Variants in PARD3B observed in about 807,000 individuals in gnomAD.
PARD3B encodes par-3 family cell polarity regulator beta, also known as partitioning defective 3 homolog B.
PARD3B carries 103 observed loss-of-function variants against 130.2 expected under a neutral mutation model. The ratio of observed to expected loss-of-function variants is 0.79; its 90% CI spans 0.67 to 0.93. The LOEUF is 0.93. Ranked by LOEUF, PARD3B falls within the 40% of genes least tolerant of loss-of-function variation. The pLI is 0.00. For synonymous variants in PARD3B, 583 were observed against 553.2 expected, an observed-to-expected ratio of 1.05 and a Z score of -0.76; for missense variants, 1,609 against 1,499.2, an observed-to-expected ratio of 1.07 and a Z score of -1.21.
chr2:204,703,395 A>T (rs545721535), intron 2 of PARD3B, among the ~76,000 whole-genome samples: 30 of 152,336 alleles, frequency 2.0e-4, no homozygotes, highest in African/African-American at 6.7e-4. Flanking sequence ...TGTTAAAGAG[A>T]TGGGAATGGG....
intron 3 of PARD3B, among the ~76,000 whole-genome samples, chr2:204,976,122 T>C (rs907610384): frequency 3.3e-5 from 5 of 152,242 alleles, no homozygotes; most frequent in African/African-American, 1.2e-4. Context: ...AATTAGGCTT[T>C]TATCTTAGTA....
intron 12 of PARD3B, among the ~76,000 whole-genome samples, chr2:205,175,061 T>C (rs2035390584): frequency 6.6e-6 from 1 of 152,176 alleles, no homozygotes; most frequent in Non-Finnish European, 1.5e-5. Context: ...TAAAAATCCA[T>C]TATATTTTTT....
At chr2:205,136,273 G>T (rs181072592) in intron 10 of PARD3B, among the ~76,000 whole-genome samples, 2 of 151,600 alleles carry the variant, frequency 1.3e-5, no homozygotes, top group East Asian at 3.9e-4. Context: ...ACCTCCCATC[G>T]TACCTTTCTG....
intron 2 of PARD3B, among the ~76,000 whole-genome samples, chr2:204,829,113 C>G (rs572197664): frequency 2.6e-5 from 4 of 152,238 alleles, no homozygotes; most frequent in Admixed American, 2.0e-4. Context: ...TGATCTTGTT[C>G]TGAAACATAA....
At chr2:205,204,117 GTTT>G (rs2037148161) in intron 15 of PARD3B, among the ~76,000 whole-genome samples, 1 of 152,104 alleles carries the variant, frequency 6.6e-6, no homozygotes, top group South Asian at 2.1e-4. Context: ...AGCATCTGTT[GTTT>G]CCTGACTTTT....
intron 2 of PARD3B, among the ~76,000 whole-genome samples, chr2:204,945,299 G>C (rs183249008): frequency 7.9e-5 from 12 of 152,288 alleles, no homozygotes; most frequent in African/African-American, 2.6e-4. Context: ...TGGGGTCATT[G>C]ATTGGTTCAG....
chr2:205,051,788 C>T (rs937141675), intron 4 of PARD3B, among the ~76,000 whole-genome samples: 7 of 152,156 alleles, frequency 4.6e-5, no homozygotes, highest in Non-Finnish European at 8.8e-5. Context: ...GCTTCAAATT[C>T]TATGTATATT....
In PARD3B at chr2:205,589,447, A is replaced by G. The variant is rs1157881518; in HGVS notation, c.3261-26009A>G. ...CAACTCCAGATCCAGTCCCATCTCA[A>G]ATGCTGTCTCTAAACAGAGAGATGC... On this transcript the variant is annotated intron_variant, in intron 22 of 22. Transcript: ENST00000406610. This position sits in a 1 kb window ranked among gnomAD's most constrained non-coding sequence, Gnocchi z 4.1. 2.0e-5 allele frequency among the ~76,000 whole-genome samples: 3 copies of G among 152,096 alleles called. No homozygotes were observed. Among genetic ancestry groups the G allele is most frequent in the African/African-American group, 7.2e-5 (3 of 41,426 alleles).
chr2:204,915,105 G>A (rs1462451651), intron 2 of PARD3B, among the ~76,000 whole-genome samples: 1 of 152,148 alleles, frequency 6.6e-6, no homozygotes, highest in Non-Finnish European at 1.5e-5. Context: ...CCTCTAAGAG[G>A]ATGGTCTGGG....
chr2:205,396,993 A>G (rs1025188060), intron 18 of PARD3B, among the ~76,000 whole-genome samples: 25 of 151,828 alleles, frequency 1.6e-4, no homozygotes, highest in Non-Finnish European at 3.2e-4. Context: ...TTGGAAAGTC[A>G]CCAAGTTGAA....
At chr2:204,826,770 A>G (rs2043595245) in intron 2 of PARD3B, among the ~76,000 whole-genome samples, 1 of 152,172 alleles carries the variant, frequency 6.6e-6, no homozygotes, top group Non-Finnish European at 1.5e-5. Flanking sequence ...TTGTAATCCA[A>G]GCACTTTGGG....
intron 18 of PARD3B, among the ~76,000 whole-genome samples, chr2:205,381,222 T>G (rs1199051649): frequency 8.6e-6 from 1 of 116,176 alleles, no homozygotes; most frequent in Non-Finnish European, 1.7e-5. Context: ...GAATATATAT[T>G]ATATATAATA....
chr2:205,219,469 G>A lies in PARD3B; in HGVS notation c.2140+26149G>A, dbSNP rs560485242. Reference sequence around the variant, plus strand: ...TTTCAAAATCTATTACACAGTAGTAGCCCTGGTTTTGCACAGTTTGCATAT... The same window carrying A: ...TTTCAAAATCTATTACACAGTAGTAACCCTGGTTTTGCACAGTTTGCATAT... On this transcript the variant is annotated intron_variant, in intron 15 of 22. Transcript: ENST00000406610. Among the ~76,000 whole-genome samples the A allele has an allele frequency of 2.0e-5, 3 of 152,298 alleles. No individual in the cohort carries two copies. In the South Asian group the frequency reaches 6.2e-4, roughly 32 times the overall value.
intron 2 of PARD3B, among the ~76,000 whole-genome samples, chr2:204,706,201 A>C (rs2038143100): frequency 6.6e-6 from 1 of 152,072 alleles, no homozygotes; most frequent in Non-Finnish European, 1.5e-5. Context: ...CGCTGTCTCT[A>C]CTAAAAATAC....
chr2:205,002,112 A>G (rs2125283417), intron 3 of PARD3B, among the ~76,000 whole-genome samples: 1 of 152,336 alleles, frequency 6.6e-6, no homozygotes, highest in East Asian at 1.9e-4. Context: ...ACTGCCTGTC[A>G]ATTCCCTTAA....
chr2:205,497,333 G>A (rs1324820234), intron 20 of PARD3B, among the ~76,000 whole-genome samples: 1 of 151,636 alleles, frequency 6.6e-6, no homozygotes, highest in Non-Finnish European at 1.5e-5. Context: ...CTGTCAGGGA[G>A]CAGCCACAAG....
At chr2:204,645,850 A>G (rs369758659) in intron 1 of PARD3B, among the ~76,000 whole-genome samples, 1 of 152,142 alleles carries the variant, frequency 6.6e-6, no homozygotes, top group Non-Finnish European at 1.5e-5. Context: ...TGGAAGTATA[A>G]TATTTTTAAG....
chr2:204,876,030 GA>G (rs2045828823), intron 2 of PARD3B, among the ~76,000 whole-genome samples: 1 of 152,166 alleles, frequency 6.6e-6, no homozygotes, highest in African/African-American at 2.4e-5. Context: ...ACCTGGATTT[GA>G]AGAGGGAATT....
intron 3 of PARD3B, among the ~76,000 whole-genome samples, chr2:205,018,658 C>T (rs1024695141): frequency 3.9e-5 from 5 of 127,884 alleles, no homozygotes; most frequent in African/African-American, 6.0e-5. Flanking sequence ...TTTCTTGACC[C>T]AAGGTTACAA....
Sources: gnomAD v4.1 joint callset for allele counts (sites outside exome capture counted in the v4.1 genomes callset) on GRCh38, gnomAD v4.1.1 for gene constraint, Gnocchi (gnomAD v3.1) non-coding constraint, MANE v1.5 for transcripts, NCBI Gene and HGNC (gene_info 2026-07-23, HGNC 2026-07-21) for gene names.